The following NOM1 variants were observed in gnomAD, a reference collection of about 807,000 sequenced individuals.
NOM1 encodes the protein nucleolar MIF4G domain-containing protein 1.
A neutral mutation model predicts 73.3 loss-of-function variants in NOM1; 58 were observed. That is an observed-to-expected ratio of 0.79 (90% CI 0.64 to 0.99). The LOEUF (loss-of-function observed/expected upper bound fraction) is 0.99, where lower values mean the gene tolerates loss of function less well. NOM1 is among the 50% of genes least tolerant of loss of function. The pLI is 0.00. For synonymous variants in NOM1, 487 were observed against 446.8 expected, an observed-to-expected ratio of 1.09 and a Z score of -1.14; for missense variants, 1,226 against 1,131.9, an observed-to-expected ratio of 1.08 and a Z score of -1.19.
At position 156,960,137 on chromosome 7, in the gene NOM1, C is replaced by G. The variant is rs1176029521; in HGVS notation, c.1595C>G (p.Ala532Gly). 4 of 1,613,578 alleles carry G rather than the reference C, an allele frequency of 2.5e-6. No individual in the cohort carries two copies. Among genetic ancestry groups the G allele is most frequent in the Non-Finnish European group, 3.4e-6 (4 of 1,179,950 alleles). ...KELITEAQTK[A>G]SGAGSEFQDQ... ...TTGATCACTGAAGCCCAGACCAAAG[C>G]CAGCGGGGCAGGCAGCGAGTTTCAG... The change falls in exon 4 of 11, where the codon GCC becomes GGC. Residue 532 changes from alanine to glycine, a missense_variant. Ala to Gly is a moderately conservative substitution (Grantham distance 60). Coordinates refer to ENST00000275820, the MANE Select transcript of NOM1 (RefSeq NM_138400.2).
At chr7:156,952,823 A>G (rs1804627964) in intron 2 of NOM1, among the ~76,000 whole-genome samples, 1 of 152,078 alleles carries the variant, frequency 6.6e-6, no homozygotes, top group African/African-American at 2.4e-5. Context: ...AGCAGCCCAA[A>G]TGCTCACATT....
intron 3 of NOM1, among the ~76,000 whole-genome samples, chr7:156,954,894 T>C (rs1448394414): frequency 6.6e-6 from 1 of 152,202 alleles, no homozygotes; most frequent in African/African-American, 2.4e-5. Flanking sequence ...CCTTTGCACT[T>C]CTCCCTTAAC....
At chr7:156,951,072 G>A (rs1804580577) in intron 1 of NOM1, among the ~76,000 whole-genome samples, 1 of 152,234 alleles carries the variant, frequency 6.6e-6, no homozygotes, top group East Asian at 1.9e-4. Context: ...CATCTGCCGT[G>A]CCCGACTTTT....
chr7:156,960,038 T>C lies in NOM1; in HGVS notation c.1496T>C (p.Ile499Thr), dbSNP rs895925159. Residue 499 changes from isoleucine to threonine, a missense_variant, in exon 4 of 11, where the codon ATT becomes ACT. Ile to Thr is a moderately conservative substitution (Grantham distance 89, BLOSUM62 -1). Transcript: ENST00000275820. ...ATTGGAACTTTCACCGAAAAAGATA[T>C]TGAACTGATCTTGTTAATGCTGAAA... ...KLIGTFTEKD[I>T]ELILLMLKNV... 6.8e-6 allele frequency: 11 copies of C among 1,614,180 alleles called. No homozygotes were observed. Among genetic ancestry groups the C allele is most frequent in the East Asian group, 4.5e-5 (2 of 44,890 alleles).
chr7:156,954,356 G>T, intron 3 of NOM1, 58 bp downstream of exon 3: 1 of 1,421,376 alleles, frequency 7.0e-7, no homozygotes, highest in South Asian at 1.4e-5. Context: ...TTATTTTAAT[G>T]ATAGGCTTGA....
At chr7:156,964,643 G>A (rs567265239) in intron 7 of NOM1, among the ~76,000 whole-genome samples, 1 of 152,248 alleles carries the variant, frequency 6.6e-6, no homozygotes, top group South Asian at 2.1e-4. Context: ...TCTAAACAAT[G>A]TAATGTTAAT....
chr7:156,954,421 GAATA>G (rs1326737809), intron 3 of NOM1, 123 bp downstream of exon 3: 6 of 688,684 alleles, frequency 8.7e-6, no homozygotes, highest in South Asian at 7.7e-5. Flanking sequence ...TTTTTGTTGT[GAATA>G]AATACTCTAT....
intron 9 of NOM1, among the ~76,000 whole-genome samples, chr7:156,967,561 T>C (rs1014716941): frequency 1.3e-5 from 2 of 151,904 alleles, no homozygotes; most frequent in African/African-American, 4.8e-5. Flanking sequence ...AAGATGGGAG[T>C]TGCTCTGTCA....
At chr7:156,967,290 C>T (rs1046018078) in intron 9 of NOM1, among the ~76,000 whole-genome samples, 198 bp downstream of exon 9, 2 of 152,128 alleles carry the variant, frequency 1.3e-5, no homozygotes, top group Non-Finnish European at 2.9e-5. Context: ...ATGAAGGCAC[C>T]GCTGCAGTTC....
At position 156,950,175 on chromosome 7, in the gene NOM1, G is replaced by A. The variant is rs774943216; in HGVS notation, c.438G>A (p.Pro146=). The A allele has an allele frequency of 3.7e-6, 6 of 1,603,746 alleles. No individual in the cohort carries two copies. In the Admixed American group the frequency reaches 8.5e-5, roughly 23 times the overall value. ...CCTCGCCTCCCAGGAAGCCGCGGCC[G>A]TCCCGGGTCAAGGCCAAGGCCACGG... is the stretch of plus-strand genomic sequence containing the variant. ...RDPSPPRKPR[P]SRVKAKATAA... is the part of the protein sequence containing the mutation. Residue 146 remains proline, a synonymous_variant, in exon 1 of 11, where the codon CCG becomes CCA. Coordinates refer to ENST00000275820, the MANE Select transcript of NOM1 (RefSeq NM_138400.2).
Position 156,952,601 on chromosome 7 carries a change from G to A in NOM1, c.1112+3G>A. On this transcript the variant is annotated splice_donor_region_variant and intron_variant, in intron 2 of 10. Transcript: ENST00000275820. ...CATGTAAAAGGTCTACTTAACAGGT[G>A]ACCTTGTAGTGTTGTTACACTGTGT... 1.9e-6 allele frequency: 3 copies of A among 1,611,744 alleles called. No homozygotes were observed. The highest frequency in any genetic ancestry group is 2.5e-6 in the Non-Finnish European group (3 of 1,179,482).
intron 3 of NOM1, 95 bp downstream of exon 3, chr7:156,954,393 G>A (rs1804668144): frequency 9.3e-7 from 1 of 1,073,848 alleles, no homozygotes; most frequent in Non-Finnish European, 1.3e-6. Flanking sequence ...TGCTGTGGGT[G>A]GTTCTTGTGT....
rs139413501 is a variant in NOM1, at chr7:156,954,037, T to C, written c.1113-66T>C. ...TTGGTATGGATAACTCTTTAATTTT[T>C]TAAAATTGAACTGAAAATTCCTAAT... On this transcript the variant is annotated intron_variant, in intron 2 of 10. Transcript: ENST00000275820. 358 of 1,425,538 alleles carry C rather than the reference T, an allele frequency of 2.5e-4. 3 individuals are homozygous for C. The African/African-American group carries it at 4.3e-3, about 17-fold the overall frequency. 88.3% of individuals were successfully genotyped at this position (1,425,538 alleles called of 1,614,324 possible). A position where few individuals can be genotyped will look rare whatever the true frequency, so the allele number is the denominator to read the frequency against.
chr7:156,951,467 G>A (rs1488692471), intron 1 of NOM1, among the ~76,000 whole-genome samples: 1 of 152,152 alleles, frequency 6.6e-6, no homozygotes, highest in Non-Finnish European at 1.5e-5. Context: ...TTATCTCAGC[G>A]TTCCTTTGCA....
Position 156,954,119 on chromosome 7 carries a change from A to G in NOM1, c.1129A>G (p.Met377Val). The part of the protein sequence containing the change: ...GLLNRLSEPN[M>V]ASISGQLEEL... ...TCTCTGCAGGTTGAGTGAACCCAAC[A>G]TGGCTTCCATCAGTGGGCAGCTGGA... The change falls in exon 3 of 11, where the codon ATG (methionine) becomes GTG (valine). Residue 377 changes from methionine to valine, a missense_variant. By Grantham distance (21) the Met-to-Val change is conservative. Coordinates refer to ENST00000275820, the MANE Select transcript of NOM1 (RefSeq NM_138400.2). 2 of 1,611,298 alleles carry G rather than the reference A, an allele frequency of 1.2e-6. No homozygotes were observed. Among genetic ancestry groups the G allele is most frequent in the Non-Finnish European group, 1.7e-6 (2 of 1,179,128 alleles).
rs1586578201 is a variant in NOM1 at position 156,969,580 on chromosome 7, C to T, written c.2460C>T (p.Phe820=). The T allele has an allele frequency of 6.2e-7, 1 of 1,614,076 alleles. No homozygotes were observed. The highest frequency in any genetic ancestry group is 1.1e-5 in the South Asian group (1 of 91,064). The part of the protein sequence containing the change: ...LGVLREGLKL[F]ISHFLLKNAQ... ...TGTTACGTGAGGGTTTGAAGCTTTT[C>T]ATCAGCCACTTCTTGCTAAAGAACG... Residue 820 remains phenylalanine (F), a synonymous_variant, in exon 11 of 11, where the codon TTC becomes TTT. Transcript: ENST00000275820.
At chr7:156,959,487 C>T (rs1804809928) in intron 3 of NOM1, among the ~76,000 whole-genome samples, 1 of 152,146 alleles carries the variant, frequency 6.6e-6, no homozygotes, top group African/African-American at 2.4e-5. Context: ...TGTGATCCAC[C>T]CACCTCCGCC....
At chr7:156,961,742 C>G (rs1804867840) in intron 4 of NOM1, among the ~76,000 whole-genome samples, 1 of 151,796 alleles carries the variant, frequency 6.6e-6, no homozygotes, top group Non-Finnish European at 1.5e-5. Context: ...ACATTACTTC[C>G]AGTTTTAAAG....
intron 4 of NOM1, among the ~76,000 whole-genome samples, chr7:156,960,729 A>G (rs1225051308): frequency 4.6e-5 from 7 of 152,180 alleles, no homozygotes; most frequent in Non-Finnish European, 7.3e-5. Flanking sequence ...TTTATCCTAG[A>G]GGCATCTGAA....
Sources: allele counts gnomAD v4.1 joint callset (sites outside exome capture counted in the v4.1 genomes callset), GRCh38; gene constraint gnomAD v4.1.1; transcripts MANE v1.5; gene names NCBI Gene and HGNC (gene_info 2026-07-23, HGNC 2026-07-21).